Variants in RNGTT observed in about 807,000 individuals in gnomAD.
RNGTT encodes the protein RNA guanylyltransferase and 5'-phosphatase.
RNGTT carries 33 observed loss-of-function variants against 79.3 expected under a neutral mutation model. The observed-to-expected ratio is 0.42, with a 90% CI of 0.32 to 0.56. RNGTT has a LOEUF of 0.56. Ranked by LOEUF, RNGTT falls within the 20% of genes least tolerant of loss-of-function variation. The probability of loss-of-function intolerance (pLI) is 0.17; values close to 1 mark genes in which losing one functional copy is unlikely to be tolerated. For missense variants in RNGTT, 497 were observed against 739.1 expected (o/e 0.67, Z 3.80); for synonymous variants, 222 against 235.9 (o/e 0.94, Z 0.54).
intron 11 of RNGTT, among the ~76,000 whole-genome samples, chr6:88,823,654 A>T (rs985400032): frequency 6.6e-6 from 1 of 152,220 alleles, no homozygotes; most frequent in Admixed American, 6.5e-5. Context: ...AAAATAGACT[A>T]ATGGATGGAT....
At chr6:88,669,992 T>G (rs544519126) in intron 14 of RNGTT, among the ~76,000 whole-genome samples, 56 of 152,292 alleles carry the variant, frequency 3.7e-4, no homozygotes, top group Admixed American at 1.1e-3. Flanking sequence ...TAATCACTAA[T>G]GAAACTGGCA....
chr6:88,884,016 G>T (rs969535610), intron 8 of RNGTT, among the ~76,000 whole-genome samples: 3 of 152,194 alleles, frequency 2.0e-5, no homozygotes, highest in African/African-American at 4.8e-5. Context: ...CAAGGCTGTG[G>T]TGGTACAGGC....
chr6:88,706,251 A>G (rs1052297438), intron 13 of RNGTT, among the ~76,000 whole-genome samples: 1 of 152,086 alleles, frequency 6.6e-6, no homozygotes, highest in African/African-American at 2.4e-5. Flanking sequence ...GGTAGAAAAG[A>G]AATAACTCTG....
At chr6:88,767,678 CAAAAAAA>C (rs58712575) in intron 13 of RNGTT, among the ~76,000 whole-genome samples, 5 of 83,482 alleles carry the variant, frequency 6.0e-5, no homozygotes, top group Non-Finnish European at 1.2e-4. Context: ...TCACTTGTGT[CAAAAAAA>C]AAAAAAAAAA....
At chr6:88,752,845 C>T (rs911946600) in intron 13 of RNGTT, among the ~76,000 whole-genome samples, 1 of 152,014 alleles carries the variant, frequency 6.6e-6, no homozygotes, top group Admixed American at 6.5e-5. Flanking sequence ...TGTATCAAAA[C>T]ATCTCATGTA....
intron 14 of RNGTT, among the ~76,000 whole-genome samples, chr6:88,633,209 G>A (rs775333047): frequency 7.3e-5 from 11 of 151,698 alleles, no homozygotes; most frequent in Non-Finnish European, 1.3e-4. Flanking sequence ...AAGTCATTTT[G>A]TTCATTGCCA....
In RNGTT at chr6:88,732,808, C is replaced by T. The variant is rs559094326; in HGVS notation, c.1439+36966G>A. On this transcript the variant is annotated intron_variant, in intron 13 of 15. Coordinates refer to ENST00000369485, the MANE Select transcript of RNGTT (RefSeq NM_003800.5). ...GCTGGAGGAGGAAGCAATGGGAAGT[C>T]AATGTTTAATGGGTTACAGAGTTTC... Among the ~76,000 whole-genome samples the T allele has an allele frequency of 3.9e-5, 6 of 152,086 alleles. No homozygotes were observed. The South Asian group carries it at 1.2e-3, about 32-fold the overall frequency.
At chr6:88,813,520 T>A (rs1344287001) in intron 11 of RNGTT, among the ~76,000 whole-genome samples, 1 of 152,208 alleles carries the variant, frequency 6.6e-6, no homozygotes, top group Non-Finnish European at 1.5e-5. Flanking sequence ...TCAAGTGTCA[T>A]AGTATTGGCT....
At chr6:88,645,837 T>A (rs1394823536) in intron 14 of RNGTT, among the ~76,000 whole-genome samples, 2 of 152,184 alleles carry the variant, frequency 1.3e-5, no homozygotes, top group African/African-American at 4.8e-5. Context: ...TCCTTACACC[T>A]TATACAAAAA....
intron 14 of RNGTT, among the ~76,000 whole-genome samples, chr6:88,659,907 C>T (rs1774118765): frequency 6.6e-6 from 1 of 152,100 alleles, no homozygotes; most frequent in Admixed American, 6.5e-5. Context: ...GAGACAAAAG[C>T]ATCAGGTAAC....
chr6:88,734,311 CTG>C (rs1248944646), intron 13 of RNGTT, among the ~76,000 whole-genome samples: 2 of 151,350 alleles, frequency 1.3e-5, no homozygotes, highest in Non-Finnish European at 2.9e-5. Flanking sequence ...TTAAAAAAAA[CTG>C]AAGTATAATT....
At chr6:88,620,177 AG>A (rs1772390611) in intron 14 of RNGTT, among the ~76,000 whole-genome samples, 1 of 152,230 alleles carries the variant, frequency 6.6e-6, no homozygotes, top group Non-Finnish European at 1.5e-5. Flanking sequence ...ACCCAGCAAC[AG>A]GAAGTTTCTC....
intron 14 of RNGTT, among the ~76,000 whole-genome samples, chr6:88,658,415 T>A (rs1582289627): frequency 6.6e-6 from 1 of 152,270 alleles, no homozygotes; most frequent in African/African-American, 2.4e-5. Flanking sequence ...ATGGTTCACA[T>A]CACAGGACTC....
chr6:88,630,333 G>A (rs1237313414), intron 14 of RNGTT, among the ~76,000 whole-genome samples: 1 of 152,156 alleles, frequency 6.6e-6, no homozygotes, highest in Non-Finnish European at 1.5e-5. Flanking sequence ...TAACTGTCTT[G>A]CCACCACACT....
chr6:88,661,620 C>T (rs1356974865), intron 14 of RNGTT, among the ~76,000 whole-genome samples: 1 of 151,936 alleles, frequency 6.6e-6, no homozygotes, highest in African/African-American at 2.4e-5. Context: ...TAGATTAAAC[C>T]AGGAAGAAAC....
In RNGTT at chr6:88,844,506, C is replaced by G. The variant is rs1271546768; in HGVS notation, c.1120G>C (p.Asp374His). The change falls in exon 11 of 16, where the codon GAT (aspartate) becomes CAT (histidine). Residue 374 changes from aspartate to histidine, a missense_variant. Coordinates refer to ENST00000369485, the MANE Select transcript of RNGTT (RefSeq NM_003800.5). ...IIKFNSQPVG[D>H]CDFNVRLQCI... Reference sequence around the variant, plus strand: ...TGCAGACGAACATTAAAATCACAATCTCCAACGGGCTGTGACTGAATTAAA... The same window carrying G: ...TGCAGACGAACATTAAAATCACAATGTCCAACGGGCTGTGACTGAATTAAA... 1.9e-6 allele frequency: 3 copies of G among 1,607,386 alleles called. No individual in the cohort carries two copies. Among genetic ancestry groups the G allele is most frequent in the Non-Finnish European group, 2.5e-6 (3 of 1,178,250 alleles).
chr6:88,647,716 A>T (rs1773628986), intron 14 of RNGTT, among the ~76,000 whole-genome samples: 1 of 132,008 alleles, frequency 7.6e-6, no homozygotes, highest in South Asian at 2.3e-4. Context: ...AAAAAAAAAA[A>T]AGAAGAAGAA....
rs1166774901 is a variant in RNGTT, at chr6:88,771,331, A to G, written c.1339-1457T>C. 5.2e-4 allele frequency among the ~76,000 whole-genome samples: 66 copies of G among 126,624 alleles called. 1 individual carries two copies. Among genetic ancestry groups the G allele is most frequent in the East Asian group, 1.4e-3 (6 of 4,416 alleles). 83.1% of individuals were successfully genotyped at this position (126,624 alleles called of 152,430 possible). On this transcript the variant is annotated intron_variant, in intron 12 of 15. Coordinates refer to ENST00000369485, the MANE Select transcript of RNGTT (RefSeq NM_003800.5). ...TGTGTGTGTGTATATATATATATAT[A>G]TATATATATATATATATATACACAC...
chr6:88,735,466 A>G (rs1413606314), intron 13 of RNGTT, among the ~76,000 whole-genome samples: 1 of 151,988 alleles, frequency 6.6e-6, no homozygotes, highest in Non-Finnish European at 1.5e-5. Context: ...GGTTTTTTTC[A>G]GATGATAATG....
Sources: gnomAD v4.1 joint callset for allele counts (sites outside exome capture counted in the v4.1 genomes callset) on GRCh38, gnomAD v4.1.1 for gene constraint, MANE v1.5 for transcripts, NCBI Gene and HGNC (gene_info 2026-07-23, HGNC 2026-07-21) for gene names.